The following MGST2 variants were observed in gnomAD, a reference collection of about 807,000 sequenced individuals.
The protein encoded by MGST2 is microsomal glutathione S-transferase 2.
In MGST2, 9 loss-of-function variants were observed where a neutral mutation model predicts 16.6. That is an observed-to-expected ratio of 0.54 (90% CI 0.33 to 0.95). The LOEUF (loss-of-function observed/expected upper bound fraction) is 0.95. Among genes scored for constraint, MGST2 ranks in the 40% least tolerant of loss-of-function variants. The probability of loss-of-function intolerance (pLI) is 0.03; values close to 1 mark genes in which losing one functional copy is unlikely to be tolerated. For synonymous variants in MGST2, 79 were observed against 68.0 expected, an observed-to-expected ratio of 1.16 and a Z score of -0.79; for missense variants, 159 against 175.1, an observed-to-expected ratio of 0.91 and a Z score of 0.52.
intron 5 of MGST2, among the ~76,000 whole-genome samples, chr4:139,721,873 G>C (rs556244169): frequency 1.3e-5 from 2 of 152,288 alleles, no homozygotes; most frequent in East Asian, 3.9e-4. Context: ...TTGTCATGCA[G>C]TTTTGTGACC....
intron 2 of MGST2, among the ~76,000 whole-genome samples, chr4:139,687,447 C>T (rs1731626387): frequency 6.6e-6 from 1 of 152,192 alleles, no homozygotes; most frequent in Non-Finnish European, 1.5e-5. Flanking sequence ...ATAACCAGTT[C>T]AGTCCAAAGC....
intron 1 of MGST2, 52 bp downstream of exon 1, chr4:139,666,129 T>C (rs1452367789): frequency 2.2e-5 from 35 of 1,558,438 alleles, no homozygotes; most frequent in Non-Finnish European, 3.0e-5. Flanking sequence ...TGTGTGTGTG[T>C]GTGTGACAAG....
intron 3 of MGST2, among the ~76,000 whole-genome samples, chr4:139,702,844 GTTTTTTTTTTTTT>G (rs70943436): frequency 1.9e-4 from 9 of 46,452 alleles, no homozygotes; most frequent in Non-Finnish European, 3.1e-4. Context: ...TGTGTTACTG[GTTTTTTTTTTTTT>G]TTTTTTTTTT....
At chr4:139,739,679 G>GTTTTTTTTTTTT (rs1553952725) in intron 5 of MGST2, among the ~76,000 whole-genome samples, 1 of 132,358 alleles carries the variant, frequency 7.6e-6, no homozygotes, top group African/African-American at 2.8e-5. Flanking sequence ...GAGGAAAGCA[G>GTTTTTTTTTTTT]TTTTTTTTTT....
Position 139,704,206 on chromosome 4 carries a change from TATC to T in MGST2, c.*61_*63del. 6.3e-7 allele frequency: 1 copy of T among 1,581,140 alleles called. No homozygotes were observed. Among genetic ancestry groups the T allele is most frequent in the South Asian group, 1.1e-5 (1 of 90,260 alleles). On this transcript the variant is annotated 3_prime_UTR_variant, in exon 5 of 5. Transcript: ENST00000265498. ...TGTTCCCACCATGAAGGTAATATGG[TATC>T]ATTTGTTAAATAAAAATAAAGTCTT... is the stretch of plus-strand genomic sequence containing the variant.
At chr4:139,739,679 GT>G (rs1553952725) in intron 5 of MGST2, among the ~76,000 whole-genome samples, 2,632 of 132,334 alleles carry the variant, frequency 0.02, 72 homozygotes, top group African/African-American at 0.064. Flanking sequence ...GAGGAAAGCA[GT>G]TTTTTTTTTT....
chr4:139,702,827 A>C (rs564781946), intron 3 of MGST2, among the ~76,000 whole-genome samples: 112 of 60,922 alleles, frequency 1.8e-3, no homozygotes, highest in Non-Finnish European at 4.2e-3. Context: ...CATCCTCACC[A>C]ACATTTTGTG....
chr4:139,708,174 T>C (rs1204534338), downstream of MGST2, among the ~76,000 whole-genome samples: 1 of 152,228 alleles, frequency 6.6e-6, no homozygotes, highest in Non-Finnish European at 1.5e-5. Context: ...TAGGTTTTCT[T>C]CTAGGGTTTT....
intron 5 of MGST2, among the ~76,000 whole-genome samples, chr4:139,713,866 G>A (rs533307365): frequency 2.0e-3 from 312 of 152,340 alleles, no homozygotes; most frequent in Non-Finnish European, 2.8e-3. Flanking sequence ...CAATATGAAA[G>A]TGCACGATCT....
chr4:139,707,286 G>A (rs1387510404), downstream of MGST2, among the ~76,000 whole-genome samples: 7 of 151,796 alleles, frequency 4.6e-5, no homozygotes, highest in Admixed American at 6.6e-5. Context: ...CCACCTATGA[G>A]TGAGAACATG....
Position 139,665,915 on chromosome 4 carries a change from C to T in MGST2, c.-105C>T. ...AGCCGCTTGAATCAGCCTTTTCCCC[C>T]CACCCGGTCCCCAACTTTGTTTACC... On this transcript the variant is annotated 5_prime_UTR_variant, in exon 1 of 5. Transcript: ENST00000265498. 2 of 1,161,472 alleles carry T rather than the reference C, an allele frequency of 1.7e-6. No individual in the cohort carries two copies. The highest frequency in any genetic ancestry group is 1.3e-6 in the Non-Finnish European group (1 of 781,776). The allele number at this position is 1,161,472 out of a possible 1,614,324, so 71.9% of individuals were successfully genotyped here.
chr4:139,710,617 AC>A (rs1180882927), intron 5 of MGST2, among the ~76,000 whole-genome samples: 1 of 152,116 alleles, frequency 6.6e-6, no homozygotes, highest in Admixed American at 6.5e-5. Context: ...TATCAAAAGA[AC>A]AAAGCCCAAT....
the MGST2 span, among the ~76,000 whole-genome samples, chr4:139,745,787 C>T: frequency 4.0e-4 from 61 of 152,258 alleles, no homozygotes; most frequent in Admixed American, 2.4e-3. Context: ...TTTAAACATA[C>T]CACCTGGTTT....
downstream of MGST2, among the ~76,000 whole-genome samples, chr4:139,741,840 A>G (rs571072149): frequency 1.3e-5 from 2 of 152,344 alleles, no homozygotes; most frequent in African/African-American, 4.8e-5. Flanking sequence ...TGTGCACGGT[A>G]TAATTGCCCT....
intron 3 of MGST2, among the ~76,000 whole-genome samples, chr4:139,695,775 A>G (rs1726884052): frequency 6.6e-6 from 1 of 152,230 alleles, no homozygotes; most frequent in Non-Finnish European, 1.5e-5. Flanking sequence ...AAATATTGAG[A>G]CAAACTATAT....
At chr4:139,682,693 G>T (rs776379179) in intron 2 of MGST2, among the ~76,000 whole-genome samples, 1 of 152,132 alleles carries the variant, frequency 6.6e-6, no homozygotes, top group African/African-American at 2.4e-5. Context: ...TAGAGGCATT[G>T]GTAGAAGCAG....
the MGST2 span, among the ~76,000 whole-genome samples, chr4:139,748,378 T>C: frequency 3.1e-4 from 47 of 152,194 alleles, no homozygotes; most frequent in African/African-American, 1.0e-3. Context: ...CTAAGGGACC[T>C]GAATACCAGG....
rs1169665122 is a variant in MGST2 at position 139,666,066 on chromosome 4, C to T, written c.47C>T (p.Ala16Val). The change falls in exon 1 of 5, where the codon GCC becomes GTC. Residue 16 changes from alanine (A) to valine (V), a missense_variant. Coordinates refer to ENST00000265498, the MANE Select transcript of MGST2 (RefSeq NM_002413.5). The stretch of plus-strand genomic sequence containing the variant: ...CTGGCTGCTGTCTCTATTCTCTCGG[C>T]CTGTCAGCAAAGTAAGAGGCATGGG... ...ILLAAVSILS[A>V]CQQSYFALQV... 1 of 1,613,750 alleles carries T rather than the reference C, an allele frequency of 6.2e-7. No homozygotes were observed. Among genetic ancestry groups the T allele is most frequent in the Non-Finnish European group, 8.5e-7 (1 of 1,179,976 alleles).
At chr4:139,749,452 A>T in the MGST2 span, among the ~76,000 whole-genome samples, 6 of 152,280 alleles carry the variant, frequency 3.9e-5, no homozygotes, top group African/African-American at 1.2e-4. Context: ...CTCAGGCAAA[A>T]ACCCAGCCCT....
Sources: gnomAD v4.1 joint callset for allele counts (sites outside exome capture counted in the v4.1 genomes callset) on GRCh38, gnomAD v4.1.1 for gene constraint, MANE v1.5 for transcripts, NCBI Gene and HGNC (gene_info 2026-07-23, HGNC 2026-07-21) for gene names.